The following LRRIQ1 variants were observed in gnomAD, a reference collection of about 807,000 sequenced individuals.
LRRIQ1 encodes leucine rich repeats and IQ motif containing 1.
Under a neutral mutation model 211.9 loss-of-function variants are expected in LRRIQ1, and 210 were observed. That is an observed-to-expected ratio of 0.99 (90% CI 0.89 to 1.11). The LOEUF (loss-of-function observed/expected upper bound fraction) is 1.11. Among genes scored for constraint, LRRIQ1 ranks in the 50% most tolerant of loss-of-function variants. The probability of loss-of-function intolerance (pLI) is 0.00; values close to 1 mark genes in which losing one functional copy is unlikely to be tolerated. For missense variants in LRRIQ1, 2,136 were observed against 1,939.5 expected (o/e 1.10, Z -1.90); for synonymous variants, 699 against 650.1 (o/e 1.08, Z -1.14).
intron 24 of LRRIQ1, among the ~76,000 whole-genome samples, chr12:85,182,098 G>A (rs1179982611): frequency 1.3e-5 from 2 of 151,868 alleles, no homozygotes; most frequent in Non-Finnish European, 2.9e-5. Context: ...CATTGCAACT[G>A]GAACCTTAGG....
intron 1 of LRRIQ1, among the ~76,000 whole-genome samples, chr12:85,256,773 T>G (rs948660782): frequency 2.0e-5 from 3 of 151,024 alleles, no homozygotes; most frequent in Admixed American, 6.7e-5. Context: ...GAAAGTTCCA[T>G]TGAAAGAAAT....
chr12:85,047,169 A>T lies in LRRIQ1; in HGVS notation c.455-78A>T, dbSNP rs935826246. 4.0e-6 allele frequency: 4 copies of T among 999,656 alleles called. No individual in the cohort carries two copies. The African/African-American group carries it at 7.2e-5, about 18-fold the overall frequency. 61.9% of individuals were successfully genotyped at this position (999,656 alleles called of 1,614,324 possible). A position where few individuals can be genotyped will look rare whatever the true frequency, so the allele number is the denominator to read the frequency against. On this transcript the variant is annotated intron_variant, in intron 5 of 26. Coordinates refer to ENST00000393217, the MANE Select transcript of LRRIQ1 (RefSeq NM_001079910.2). ...AGTAAAATTAAAAAAAAATTAAAAA[A>T]ATTACTTTTATACTTTGAATTAGTT...
At chr12:85,219,508 T>G (rs1592987745) in intron 24 of LRRIQ1, among the ~76,000 whole-genome samples, 1 of 152,138 alleles carries the variant, frequency 6.6e-6, no homozygotes, top group South Asian at 2.1e-4. Flanking sequence ...ATACACTTTA[T>G]GTACTATCCC....
intron 3 of LRRIQ1, among the ~76,000 whole-genome samples, chr12:85,044,278 AT>A (rs1177630756): frequency 6.6e-6 from 1 of 152,036 alleles, no homozygotes; most frequent in African/African-American, 2.4e-5. Context: ...AAGAAATATA[AT>A]TCCTCTTCAT....
chr12:85,152,602 GA>G (rs879431995), intron 20 of LRRIQ1, among the ~76,000 whole-genome samples: 7 of 150,804 alleles, frequency 4.6e-5, no homozygotes, highest in African/African-American at 9.7e-5. Flanking sequence ...AGTAGCAAAA[GA>G]AAAAAAATGA....
At chr12:85,231,256 G>T (rs1894924422) in intron 25 of LRRIQ1, among the ~76,000 whole-genome samples, 1 of 151,992 alleles carries the variant, frequency 6.6e-6, no homozygotes. Context: ...TTTAATATGT[G>T]ATCAATTATA....
At chr12:85,201,078 G>A (rs1263679929) in intron 24 of LRRIQ1, among the ~76,000 whole-genome samples, 2 of 151,690 alleles carry the variant, frequency 1.3e-5, no homozygotes, top group Admixed American at 6.6e-5. Context: ...TGATTCACCC[G>A]CCTCTGCCTC....
chr12:85,155,119 A>C (rs1592896219), intron 23 of LRRIQ1, among the ~76,000 whole-genome samples: 2 of 151,522 alleles, frequency 1.3e-5, no homozygotes, highest in East Asian at 1.9e-4. Flanking sequence ...TTGATAAGTT[A>C]CTGGTGATTC....
intron 24 of LRRIQ1, among the ~76,000 whole-genome samples, chr12:85,169,540 A>G (rs940686792): frequency 6.6e-6 from 1 of 152,104 alleles, no homozygotes; most frequent in Admixed American, 6.6e-5. Flanking sequence ...CTCAAGTATG[A>G]TAAGTACTTT....
intron 19 of LRRIQ1, among the ~76,000 whole-genome samples, chr12:85,140,926 A>G (rs1889493248): frequency 6.6e-6 from 1 of 151,348 alleles, no homozygotes; most frequent in African/African-American, 2.4e-5. Flanking sequence ...TAACTTAGCT[A>G]TAATGCATCA....
intron 1 of LRRIQ1, among the ~76,000 whole-genome samples, chr12:85,261,769 A>ATTTT (rs1305742089): frequency 1.5e-5 from 2 of 137,420 alleles, no homozygotes; most frequent in African/African-American, 6.3e-5. Context: ...TGTTTATTTT[A>ATTTT]TTTATTTATT....
At chr12:85,186,238 A>C (rs1192616367) in intron 24 of LRRIQ1, among the ~76,000 whole-genome samples, 3 of 152,218 alleles carry the variant, frequency 2.0e-5, no homozygotes, top group Non-Finnish European at 4.4e-5. Flanking sequence ...ATTAAGCTCT[A>C]AGTACCAGGA....
intron 13 of LRRIQ1, among the ~76,000 whole-genome samples, chr12:85,099,969 G>A (rs1886220031): frequency 6.6e-6 from 1 of 151,886 alleles, no homozygotes; most frequent in Non-Finnish European, 1.5e-5. Context: ...GAATTTAAAA[G>A]GACATTTGTT....
intron 24 of LRRIQ1, among the ~76,000 whole-genome samples, chr12:85,169,442 G>A (rs1307295335): frequency 1.3e-5 from 2 of 151,922 alleles, no homozygotes; most frequent in African/African-American, 2.4e-5. Flanking sequence ...TCTTTTCATG[G>A]CCTCCTGTTG....
chr12:85,049,955 C>A (rs1880101546), intron 6 of LRRIQ1, among the ~76,000 whole-genome samples: 1 of 152,126 alleles, frequency 6.6e-6, no homozygotes, highest in African/African-American at 2.4e-5. Flanking sequence ...CATTGATATC[C>A]ATTTTAGACT....
rs754475789 is a variant in LRRIQ1 at position 85,121,871 on chromosome 12, A to T, written c.3552A>T (p.Gly1184=). 1 of 1,599,236 alleles carries T rather than the reference A, an allele frequency of 6.3e-7. No homozygotes were observed. Among genetic ancestry groups the T allele is most frequent in the Non-Finnish European group, 8.5e-7 (1 of 1,173,058 alleles). Residue 1184 remains glycine, a synonymous_variant, in exon 16 of 27, where the codon GGA becomes GGT. Coordinates refer to ENST00000393217, the MANE Select transcript of LRRIQ1 (RefSeq NM_001079910.2). ...FNLLIENYIT[G]KGDVFTLDTA... Reference sequence around the variant, plus strand: ...TGCTAATTGAAAATTATATAACTGGAAAAGGGTAAGATTGTGATCTTCCCA... The same window carrying T: ...TGCTAATTGAAAATTATATAACTGGTAAAGGGTAAGATTGTGATCTTCCCA...
chr12:85,096,257 T>G (rs10862956), intron 11 of LRRIQ1, among the ~76,000 whole-genome samples: 43,167 of 152,016 alleles, frequency 0.28, 6,276 homozygotes, highest in Admixed American at 0.34. Context: ...GATGTTAAAT[T>G]GTTAATTTGA....
At position 85,065,271 on chromosome 12, in the gene LRRIQ1, G is replaced by T. The variant is rs758756198; in HGVS notation, c.2401G>T (p.Val801Phe). ...TTCTTGGTTCCTCTAGGTTACAACA[G>T]TTACATTTCAAGATTTGCCAGGCTG... ...PWDTLQQVTT[V>F]TFQDLPGCVL... is the part of the protein sequence containing the mutation. The change falls in exon 9 of 27, where the codon GTT (valine) becomes TTT (phenylalanine). Residue 801 changes from valine (V) to phenylalanine (F), a missense_variant. Val to Phe is a conservative substitution (Grantham distance 50). Transcript: ENST00000393217. 52 of 1,607,264 alleles carry T rather than the reference G, an allele frequency of 3.2e-5. No individual in the cohort carries two copies. Among genetic ancestry groups the T allele is most frequent in the Non-Finnish European group, 4.1e-5 (48 of 1,176,318 alleles).
intron 18 of LRRIQ1, among the ~76,000 whole-genome samples, chr12:85,132,966 T>TA (rs1381393700): frequency 6.6e-6 from 1 of 151,590 alleles, no homozygotes; most frequent in South Asian, 2.1e-4. Flanking sequence ...TTAAAAAGAG[T>TA]AAAAAAGTTA....
Sources: allele counts gnomAD v4.1 joint callset (sites outside exome capture counted in the v4.1 genomes callset), GRCh38; gene constraint gnomAD v4.1.1; transcripts MANE v1.5; gene names NCBI Gene and HGNC (gene_info 2026-07-23, HGNC 2026-07-21).